Variants in RBM26 observed in about 807,000 individuals in gnomAD.
The protein encoded by RBM26 is RNA binding motif protein 26, also known as RNA-binding protein 26.
A neutral mutation model predicts 123.6 loss-of-function variants in RBM26; 30 were observed. That is an observed-to-expected ratio of 0.24 (90% confidence interval 0.18 to 0.33). RBM26 has a LOEUF of 0.33. RBM26 is among the 10% of genes least tolerant of loss of function. The pLI is 1.00. For missense variants in RBM26, 947 were observed against 1,203.6 expected (o/e 0.79, Z 3.15); for synonymous variants, 400 against 404.4 (o/e 0.99, Z 0.13).
chr13:79,404,531 T>C (rs535371684), intron 1 of RBM26, among the ~76,000 whole-genome samples: 1 of 152,330 alleles, frequency 6.6e-6, no homozygotes, highest in Admixed American at 6.5e-5. Flanking sequence ...CCCTACCTAC[T>C]TGTCCAACTT....
intron 13 of RBM26, among the ~76,000 whole-genome samples, 177 bp downstream of exon 13, chr13:79,354,262 G>A (rs2139508935): frequency 6.6e-6 from 1 of 150,544 alleles, no homozygotes; most frequent in East Asian, 2.0e-4. Context: ...CTGAGAAAAT[G>A]TTATGGTAAT....
In RBM26 at chr13:79,378,880, T is replaced by C. The variant is rs151106974; in HGVS notation, c.99A>G (p.Ala33=). Residue 33 remains alanine, a synonymous_variant, in exon 2 of 22, where the codon GCA becomes GCG. Transcript: ENST00000438737. ...TCTTTACCAAAGCCAGAACATATTT[T>C]GCTAGGGCGGATGGATCTGCATCAC... is the stretch of plus-strand genomic sequence containing the variant. ...PICDADPSAL[A]KYVLALVKKD... 1.9e-6 allele frequency: 3 copies of C among 1,613,360 alleles called. No individual in the cohort carries two copies. Among genetic ancestry groups the C allele is most frequent in the Non-Finnish European group, 2.5e-6 (3 of 1,179,546 alleles).
chr13:79,381,927 A>T (rs1215386433), intron 1 of RBM26, among the ~76,000 whole-genome samples: 3 of 152,138 alleles, frequency 2.0e-5, no homozygotes, highest in Non-Finnish European at 4.4e-5. Context: ...AGCAGGGGTT[A>T]TAATTTCACA....
intron 17 of RBM26, among the ~76,000 whole-genome samples, chr13:79,342,356 A>G (rs2071548976): frequency 6.6e-6 from 1 of 151,826 alleles, no homozygotes; most frequent in African/African-American, 2.4e-5. Flanking sequence ...AACCCTCTAT[A>G]TCACCAACTA....
intron 19 of RBM26, among the ~76,000 whole-genome samples, chr13:79,335,886 G>T (rs902843253): frequency 1.3e-5 from 2 of 152,032 alleles, no homozygotes; most frequent in East Asian, 3.8e-4. Context: ...TGTGGAAGTG[G>T]GGTACACAGC....
intron 14 of RBM26, among the ~76,000 whole-genome samples, chr13:79,345,147 C>G (rs1386776247): frequency 6.6e-6 from 1 of 152,110 alleles, no homozygotes; most frequent in Non-Finnish European, 1.5e-5. Flanking sequence ...AAGCCACACT[C>G]AAGAGCATGG....
downstream of RBM26, among the ~76,000 whole-genome samples, chr13:79,315,987 A>G (rs2067106709): frequency 6.6e-6 from 1 of 151,868 alleles, no homozygotes; most frequent in Non-Finnish European, 1.5e-5. Context: ...AGTTCCTGAG[A>G]TCTGGGAAAA....
At chr13:79,398,724 A>T (rs1360947330) in intron 1 of RBM26, among the ~76,000 whole-genome samples, 1 of 152,188 alleles carries the variant, frequency 6.6e-6, no homozygotes, top group African/African-American at 2.4e-5. Flanking sequence ...AAAAATCTGA[A>T]CTTAAGCTTT....
rs896442091 is a variant in RBM26 at position 79,392,084 on chromosome 13, A to G, written c.72-13177T>C. 3.0e-5 allele frequency among the ~76,000 whole-genome samples: 4 copies of G among 135,228 alleles called. No homozygotes were observed. In the East Asian group the frequency reaches 8.1e-4, roughly 27 times the overall value. 88.7% of individuals were successfully genotyped at this position (135,228 alleles called of 152,430 possible). ...ATTATGTATTATACAATAATACATA[A>G]TTATATAATAATGTATTATACAATA... On this transcript the variant is annotated intron_variant, in intron 1 of 21. Transcript: ENST00000438737.
chr13:79,313,612 T>C (rs755087163), exon 5 of RBM26: 1 of 151,730 alleles, frequency 6.6e-6, no homozygotes, highest in Admixed American at 6.6e-5. Context: ...TGTGGCTAGT[T>C]TGTAAATGTG....
exon 5 of RBM26, chr13:79,313,472 T>C (rs539913958): frequency 6.6e-6 from 1 of 151,996 alleles, no homozygotes; most frequent in East Asian, 1.9e-4. Context: ...ATCAACACTG[T>C]TAACACCAAG....
chr13:79,367,563 C>T lies in RBM26; in HGVS notation c.896-691G>A, dbSNP rs533531810. On this transcript the variant is annotated intron_variant, in intron 6 of 21. Transcript: ENST00000438737. ...GCCCTCCCAAGGTAACAAGTGAGTT[C>T]GCCCTCTATTAGTTCACAGGAGCTG... Among the ~76,000 whole-genome samples, 9 of 151,770 alleles carry T rather than the reference C, an allele frequency of 5.9e-5. No homozygotes were observed. The South Asian group carries it at 1.7e-3, about 28-fold the overall frequency.
At chr13:79,337,786 C>T (rs2070694327) in intron 18 of RBM26, among the ~76,000 whole-genome samples, 1 of 128,914 alleles carries the variant, frequency 7.8e-6, no homozygotes. Context: ...ACTGATGTAA[C>T]ACACTGATAT....
At position 79,327,204 on chromosome 13, in the gene RBM26, G is replaced by C. The variant is rs569183662; in HGVS notation, c.2821-4742C>G. On this transcript the variant is annotated intron_variant, in intron 20 of 21. Transcript: ENST00000438737. ...CCAGCTACTTGGGAGACTGAGGTGG[G>C]AGGATCACCTGAGCTCAGGAAGTCA... Among the ~76,000 whole-genome samples, 8 of 151,800 alleles carry C rather than the reference G, an allele frequency of 5.3e-5. No homozygotes were observed. In the South Asian group the frequency reaches 1.2e-3, roughly 24 times the overall value.
intron 20 of RBM26, among the ~76,000 whole-genome samples, chr13:79,329,573 T>C (rs188608597): frequency 2.0e-5 from 3 of 152,140 alleles, no homozygotes; most frequent in South Asian, 4.1e-4. Context: ...ACAGAACCAC[T>C]AGGATCCTGT....
At position 79,358,232 on chromosome 13, in the gene RBM26, A is replaced by T. The variant is rs755484151; in HGVS notation, c.1689+42T>A. 5 of 1,501,722 alleles carry T rather than the reference A, an allele frequency of 3.3e-6. No individual in the cohort carries two copies. The South Asian group carries it at 3.8e-5, about 11-fold the overall frequency. 93.0% of individuals were successfully genotyped at this position (1,501,722 alleles called of 1,614,324 possible). The stretch of plus-strand genomic sequence containing the variant: ...GTTTTCTTATTACATTAAGTTCCCT[A>T]AACAGAAAGAAGAGATAACAAAACC... On this transcript the variant is annotated intron_variant, in intron 11 of 21. Transcript: ENST00000438737.
At chr13:79,371,708 C>G in intron 4 of RBM26, 134 bp downstream of exon 4, 1 of 635,582 alleles carries the variant, frequency 1.6e-6, no homozygotes, top group Non-Finnish European at 2.7e-6. Flanking sequence ...TAGAAACGGA[C>G]CTAGTTATAT....
At chr13:79,359,548 A>G (rs2074418802) in intron 10 of RBM26, 27 bp downstream of exon 10, 1 of 1,008,604 alleles carries the variant, frequency 9.9e-7, no homozygotes, top group Non-Finnish European at 1.5e-6. Flanking sequence ...GCACAATTAT[A>G]CTCCTCAATT....
intron 6 of RBM26, among the ~76,000 whole-genome samples, chr13:79,368,096 G>A (rs1354428074): frequency 6.6e-6 from 1 of 151,526 alleles, no homozygotes; most frequent in Non-Finnish European, 1.5e-5. Flanking sequence ...TGCGATCTTG[G>A]CTTACTGCAA....
Sources: allele counts gnomAD v4.1 joint callset (sites outside exome capture counted in the v4.1 genomes callset), GRCh38; gene constraint gnomAD v4.1.1; transcripts MANE v1.5; gene names NCBI Gene and HGNC (gene_info 2026-07-23, HGNC 2026-07-21).